MDN1: variants seen among roughly 807,000 people sequenced by gnomAD.
The protein encoded by MDN1 is midasin AAA ATPase 1.
A neutral mutation model predicts 669.2 loss-of-function variants in MDN1; 266 were observed. That is an observed-to-expected ratio of 0.40 (90% CI 0.36 to 0.44). The LOEUF (loss-of-function observed/expected upper bound fraction) is 0.44, where lower values mean the gene tolerates loss of function less well. Ranked by LOEUF, MDN1 falls within the 20% of genes least tolerant of loss-of-function variation. The pLI, the probability that MDN1 is intolerant of heterozygous loss-of-function variation, is 1.00. For synonymous variants in MDN1, 2,385 were observed against 2,457.1 expected (o/e 0.97, Z 0.87); for missense variants, 5,940 against 6,754.0 (o/e 0.88, Z 4.22).
intron 67 of MDN1, among the ~76,000 whole-genome samples, chr6:89,687,661 T>C (rs1812108188): frequency 6.6e-6 from 1 of 152,136 alleles, no homozygotes; most frequent in Non-Finnish European, 1.5e-5. Context: ...AAAAGCACAG[T>C]GTTTATAGAC....
intron 95 of MDN1, among the ~76,000 whole-genome samples, chr6:89,651,546 G>A (rs1808871578): frequency 6.6e-6 from 1 of 152,062 alleles, no homozygotes; most frequent in Non-Finnish European, 1.5e-5. Flanking sequence ...AACCCGGGAG[G>A]CAGAGCTTGC....
chr6:89,770,448 C>T (rs1440472125), intron 15 of MDN1, among the ~76,000 whole-genome samples: 2 of 150,608 alleles, frequency 1.3e-5, no homozygotes, highest in African/African-American at 4.9e-5. Context: ...GCAGTATAGA[C>T]ATGTCTGCTT....
rs1160446781 is a variant in MDN1 at position 89,645,075 on chromosome 6, C to T, written c.16542G>A (p.Gln5514=). 1 of 1,612,236 alleles carries T rather than the reference C, an allele frequency of 6.2e-7. No individual in the cohort carries two copies. The highest frequency in any genetic ancestry group is 1.1e-5 in the South Asian group (1 of 90,976). Residue 5514 remains glutamine, a synonymous_variant, in exon 101 of 102, where the codon CAG becomes CAA. Coordinates refer to ENST00000369393, the MANE Select transcript of MDN1 (RefSeq NM_014611.3). ...CAAAGATATTTGCATTCCGGGCAGC[C>T]TGAACTGCTGCCAGGACTCTTTCTT... is the stretch of plus-strand genomic sequence containing the variant. The part of the protein sequence containing the change: ...EGKERVLAAV[Q]AARNANIFVI...
At chr6:89,774,556 G>T in intron 13 of MDN1, 65 bp downstream of exon 13, 1 of 1,183,330 alleles carries the variant, frequency 8.5e-7, no homozygotes, top group Non-Finnish European at 1.3e-6. Context: ...AAGAGGCTGA[G>T]CTAGACCTTC....
rs1049362148 is a variant in MDN1 at position 89,713,434 on chromosome 6, G to A, written c.7070-138C>T. ...CTTACTTTACAAAACATTCCAAGTA[G>A]ACTCTAGAGTCCTCCGAGGGCACAA... On this transcript the variant is annotated intron_variant, in intron 46 of 101. Transcript: ENST00000369393. 2.3e-5 allele frequency: 17 copies of A among 754,800 alleles called. No individual in the cohort carries two copies. The African/African-American group carries it at 3.0e-4, about 13-fold the overall frequency. The allele number at this position is 754,800 out of a possible 1,614,324, so 46.8% of individuals were successfully genotyped here.
Position 89,781,582 on chromosome 6 carries a change from C to G in MDN1, c.1460G>C (p.Ser487Thr). Residue 487 changes from serine (S) to threonine (T), a missense_variant, in exon 10 of 102, where the codon AGC (serine) becomes ACC (threonine). Ser to Thr is a moderately conservative substitution (Grantham distance 58, BLOSUM62 1). Around this residue, in one of 5 missense-constraint regions of MDN1, gnomAD observed 1,203 missense variants for 1,268.9 expected, o/e 0.95. Coordinates refer to ENST00000369393, the MANE Select transcript of MDN1 (RefSeq NM_014611.3). ...CACTGCCAATAGGCTAGGATATCTGCTCTGAAGAACCTGACAGAGGGGGAA... is the reference window on the plus strand; with the variant it reads ...CACTGCCAATAGGCTAGGATATCTGGTCTGAAGAACCTGACAGAGGGGGAA... ...DKRELNEVLQSRYPSLLAVVD... is the reference protein window; with the variant it reads ...DKRELNEVLQTRYPSLLAVVD... 6.3e-7 allele frequency: 1 copy of G among 1,586,362 alleles called. No individual in the cohort carries two copies. The highest frequency in any genetic ancestry group is 8.6e-7 in the Non-Finnish European group (1 of 1,165,024).
chr6:89,647,624 C>T (rs1808570976), intron 99 of MDN1, among the ~76,000 whole-genome samples: 1 of 152,158 alleles, frequency 6.6e-6, no homozygotes, highest in Non-Finnish European at 1.5e-5. Context: ...CAGTGGTACA[C>T]AGGCTGAGGT....
chr6:89,686,716 C>T (rs962592378), intron 69 of MDN1, among the ~76,000 whole-genome samples, 186 bp downstream of exon 69: 9 of 152,196 alleles, frequency 5.9e-5, no homozygotes, highest in Non-Finnish European at 1.0e-4. Context: ...ATTATTCTCT[C>T]AGTTAGATAA....
At position 89,785,087 on chromosome 6, in the gene MDN1, G is replaced by A. The variant is rs775479351; in HGVS notation, c.1374C>T (p.Asn458=). ...ATTTGTCTAGCAAAGTAGCATGACT[G>A]TTTAGCGGTCGATACCAATTTCCTC... ...SCGGNWYRPL[N]SHATLLDKYW... is the part of the protein sequence containing the mutation. The change falls in exon 9 of 102, where the codon AAC becomes AAT. Residue 458 remains asparagine, a synonymous_variant. Coordinates refer to ENST00000369393, the MANE Select transcript of MDN1 (RefSeq NM_014611.3). 1.2e-6 allele frequency: 2 copies of A among 1,614,058 alleles called. No individual in the cohort carries two copies. The highest frequency in any genetic ancestry group is 1.7e-6 in the Non-Finnish European group (2 of 1,179,910).
chr6:89,784,906 C>A, intron 9 of MDN1, 106 bp downstream of exon 9: 3 of 728,150 alleles, frequency 4.1e-6, no homozygotes, highest in South Asian at 1.9e-5. Context: ...ACACAGACTG[C>A]AAAATTTAGG....
At chr6:89,819,089 A>G (rs1769074486) in intron 1 of MDN1, among the ~76,000 whole-genome samples, 1 of 152,208 alleles carries the variant, frequency 6.6e-6, no homozygotes, top group Non-Finnish European at 1.5e-5. Context: ...GCAGGAATGC[A>G]ATCAGTATTT....
chr6:89,801,341 T>C (rs1485404035), intron 2 of MDN1, among the ~76,000 whole-genome samples: 3 of 152,108 alleles, frequency 2.0e-5, no homozygotes, highest in Non-Finnish European at 4.4e-5. Context: ...CTGGACAGCA[T>C]GGTGAAAACC....
At chr6:89,749,516 TGAAG>T in intron 25 of MDN1, 23 bp downstream of exon 25, 1 of 1,610,394 alleles carries the variant, frequency 6.2e-7, no homozygotes, top group Non-Finnish European at 8.5e-7. Context: ...GTTAACAAAT[TGAAG>T]GAAGGAGACA....
In MDN1 at chr6:89,819,741, T is replaced by C; in HGVS notation, c.-134A>G. 1.4e-6 allele frequency: 1 copy of C among 691,124 alleles called. No homozygotes were observed. Among genetic ancestry groups the C allele is most frequent in the Non-Finnish European group, 2.5e-6 (1 of 397,424 alleles). 42.8% of individuals were successfully genotyped at this position (691,124 alleles called of 1,614,324 possible). Reference sequence around the variant, plus strand: ...GAAAGGCGTCCTCAGCTCCAGCGCCTACACCGGGAGAGGGGCACCACACGT... The same window carrying C: ...GAAAGGCGTCCTCAGCTCCAGCGCCCACACCGGGAGAGGGGCACCACACGT... On this transcript the variant is annotated 5_prime_UTR_variant, in exon 1 of 102. It removes the in-frame stop codon of an upstream open reading frame in the 5' UTR. Coordinates refer to ENST00000369393, the MANE Select transcript of MDN1 (RefSeq NM_014611.3).
intron 37 of MDN1, among the ~76,000 whole-genome samples, chr6:89,725,904 T>TGTTAGA (rs1309730017): frequency 6.7e-6 from 1 of 149,886 alleles, no homozygotes; most frequent in Non-Finnish European, 1.5e-5. Flanking sequence ...TTCCCATGTA[T>TGTTAGA]GTTAGAGATT....
In MDN1 at chr6:89,650,744, G is replaced by A; in HGVS notation, c.16019C>T (p.Ala5340Val). The change falls in exon 96 of 102, where the codon GCA becomes GTA. Residue 5340 changes from alanine (A) to valine (V), a missense_variant. Ala to Val is a moderately conservative substitution (Grantham distance 64). Around this residue, in one of 5 missense-constraint regions of MDN1, gnomAD observed 2,280 missense variants for 2,576.3 expected, o/e 0.88. Transcript: ENST00000369393. ...GGGGAAGACTTACTTCAGCTTGGCT[G>A]CCTGGGTAGGCTCTAATATGAGACG... is the stretch of plus-strand genomic sequence containing the variant. ...ELRLILEPTQ[A>V]AKLKGDYRTG... The A allele has an allele frequency of 6.2e-7, 1 of 1,613,786 alleles. No homozygotes were observed.
chr6:89,780,551 C>CAA (rs1481717738), intron 10 of MDN1, among the ~76,000 whole-genome samples: 6 of 151,886 alleles, frequency 4.0e-5, no homozygotes, highest in African/African-American at 1.5e-4. Flanking sequence ...AGTGACCTAC[C>CAA]AACTCATTAC....
intron 82 of MDN1, 21 bp from the exon 83 acceptor site, chr6:89,671,101 A>G: frequency 6.2e-7 from 1 of 1,610,120 alleles, no homozygotes; most frequent in Non-Finnish European, 8.5e-7. Context: ...AACAAAACAA[A>G]AGGCCTGCTC....
At position 89,756,385 on chromosome 6, in the gene MDN1, G is replaced by T; in HGVS notation, c.2708C>A (p.Thr903Lys). 1 of 1,498,178 alleles carries T rather than the reference G, an allele frequency of 6.7e-7. No individual in the cohort carries two copies. The highest frequency in any genetic ancestry group is 9.2e-7 in the Non-Finnish European group (1 of 1,087,656). The allele number at this position is 1,498,178 out of a possible 1,614,324, so 92.8% of individuals were successfully genotyped here. ...TTCTAATTCTTCTACATAAAGTTCT[G>T]TGAACCTGTAAAACAATACATAATA... is the stretch of plus-strand genomic sequence containing the variant. ...NLPPGIRNRF[T>K]ELYVEELESK... Residue 903 changes from threonine (T) to lysine (K), a missense_variant, in exon 20 of 102, where the codon ACA (threonine) becomes AAA (lysine). Physicochemically the swap from Thr to Lys is moderately conservative, Grantham distance 78. This residue lies in a region of MDN1 where 1,203 missense variants were observed against 1,268.9 expected (regional missense o/e 0.95). Transcript: ENST00000369393.
Sources: allele counts gnomAD v4.1 joint callset (sites outside exome capture counted in the v4.1 genomes callset), GRCh38; gene constraint gnomAD v4.1.1; regional missense constraint gnomAD v4.1.1; transcripts MANE v1.5; gene names NCBI Gene and HGNC (gene_info 2026-07-23, HGNC 2026-07-21).